Variants in CYFIP1 observed in about 807,000 individuals in gnomAD.
CYFIP1 encodes the protein cytoplasmic FMR1 interacting protein 1, also known as cytoplasmic FMR1-interacting protein 1.
A neutral mutation model predicts 163.5 loss-of-function variants in CYFIP1; 58 were observed. The observed-to-expected ratio is 0.35, with a 90% CI of 0.29 to 0.44. The LOEUF (loss-of-function observed/expected upper bound fraction) is 0.44, where lower values mean the gene tolerates loss of function less well. Among genes scored for constraint, CYFIP1 ranks in the 20% least tolerant of loss-of-function variants. CYFIP1 has a pLI of 1.00. For missense variants in CYFIP1, 1,338 were observed against 1,653.8 expected (o/e 0.81, Z 3.31); for synonymous variants, 663 against 660.7 (o/e 1.00, Z -0.05).
intron 6 of CYFIP1, 141 bp downstream of exon 6, chr15:22,943,032 C>A (rs535623519): frequency 4.0e-6 from 3 of 741,482 alleles, no homozygotes; most frequent in Non-Finnish European, 6.6e-6. Context: ...GGTGCTCACA[C>A]AGCCCTGACA....
At chr15:22,966,572 GCTGGTA>G (rs2062916601) in intron 1 of CYFIP1, among the ~76,000 whole-genome samples, 1 of 151,942 alleles carries the variant, frequency 6.6e-6, no homozygotes, top group South Asian at 2.1e-4. Context: ...CCACCCAGTC[GCTGGTA>G]CTGTGTTTTG....
chr15:22,952,438 G>A (rs1459086561), intron 1 of CYFIP1, among the ~76,000 whole-genome samples: 2 of 151,832 alleles, frequency 1.3e-5, no homozygotes, highest in Non-Finnish European at 2.9e-5. Context: ...GGCGAATCAC[G>A]AGGTCAGGAG....
At chr15:22,905,790 C>G (rs150989879) in intron 21 of CYFIP1, among the ~76,000 whole-genome samples, 1 of 150,136 alleles carries the variant, frequency 6.7e-6, no homozygotes, top group African/African-American at 2.4e-5. Context: ...GACGGAGTCT[C>G]GCTCTGTCAC....
chr15:22,959,090 AG>A (rs2062585477), intron 1 of CYFIP1, among the ~76,000 whole-genome samples: 1 of 152,140 alleles, frequency 6.6e-6, no homozygotes, highest in Admixed American at 6.5e-5. Context: ...CTGGGCTACC[AG>A]GCACACAGAT....
chr15:22,947,864 G>T, intron 1 of CYFIP1: 1 of 876,124 alleles, frequency 1.1e-6, no homozygotes, highest in Non-Finnish European at 1.4e-6. Flanking sequence ...CCACACCGCA[G>T]CTGGAGCAGA....
At chr15:22,978,352 C>CAAAAAAAAAAAAAA (rs397976366) in intron 1 of CYFIP1, among the ~76,000 whole-genome samples, 2 of 52,774 alleles carry the variant, frequency 3.8e-5, no homozygotes, top group African/African-American at 6.6e-5. Flanking sequence ...GACTCTGTCA[C>CAAAAAAAAAAAAAA]AAAAAAAAAA....
At chr15:22,901,493 C>A (rs529190249) in intron 22 of CYFIP1, among the ~76,000 whole-genome samples, 1 of 152,204 alleles carries the variant, frequency 6.6e-6, no homozygotes, top group Non-Finnish European at 1.5e-5. Context: ...AGGTGCGCCC[C>A]GCTGAGGACA....
chr15:22,976,565 C>T (rs74342712), intron 1 of CYFIP1, among the ~76,000 whole-genome samples: 27,364 of 151,932 alleles, frequency 0.18, 2,538 homozygotes, highest in Non-Finnish European at 0.2. Flanking sequence ...AGTCAACTGC[C>T]CTCCAAAAAT....
At chr15:22,875,744 T>C (rs2059563817) in intron 26 of CYFIP1, among the ~76,000 whole-genome samples, 1 of 151,028 alleles carries the variant, frequency 6.6e-6, no homozygotes, top group South Asian at 2.1e-4. Flanking sequence ...GGAGTAGGGG[T>C]GGCCTACCCT....
chr15:22,972,667 A>G (rs1162139505), intron 1 of CYFIP1, among the ~76,000 whole-genome samples: 2 of 152,186 alleles, frequency 1.3e-5, no homozygotes, highest in Non-Finnish European at 2.9e-5. Context: ...CAGAAAAATA[A>G]TATCAGACCT....
intron 1 of CYFIP1, among the ~76,000 whole-genome samples, 198 bp downstream of exon 1, chr15:22,980,089 C>G (rs1002712306): frequency 7.1e-6 from 1 of 140,690 alleles, no homozygotes; most frequent in East Asian, 2.3e-4. Flanking sequence ...GGCGCGGGAG[C>G]CCGGGGCCGG....
chr15:22,965,584 T>G (rs992839937), intron 1 of CYFIP1, among the ~76,000 whole-genome samples: 5 of 152,238 alleles, frequency 3.3e-5, no homozygotes, highest in Non-Finnish European at 5.9e-5. Flanking sequence ...GTAAGTGCCC[T>G]TTATGATGCC....
chr15:22,909,171 T>C (rs1308496112), intron 21 of CYFIP1, 23 bp downstream of exon 21: 4 of 1,613,072 alleles, frequency 2.5e-6, no homozygotes, highest in Non-Finnish European at 2.5e-6. Context: ...AATTTATCAA[T>C]AGGGCAAAGT....
chr15:22,950,511 G>A (rs1198301273), intron 1 of CYFIP1, among the ~76,000 whole-genome samples: 1 of 94,926 alleles, frequency 1.1e-5, no homozygotes, highest in Non-Finnish European at 2.4e-5. Flanking sequence ...AGAGCTGGAA[G>A]AAGAAATGCC....
chr15:22,901,903 T>C (rs1186216923), intron 22 of CYFIP1, among the ~76,000 whole-genome samples: 2 of 152,226 alleles, frequency 1.3e-5, no homozygotes, highest in Non-Finnish European at 2.9e-5. Flanking sequence ...ACACAATGGC[T>C]TCTACCAACA....
intron 6 of CYFIP1, among the ~76,000 whole-genome samples, chr15:22,942,583 C>T (rs963598668): frequency 6.6e-6 from 1 of 152,212 alleles, no homozygotes; most frequent in African/African-American, 2.4e-5. Context: ...GCCTCTTCCG[C>T]TCGTCTTGCC....
chr15:22,979,615 C>T (rs2063399516), intron 1 of CYFIP1, among the ~76,000 whole-genome samples: 1 of 152,188 alleles, frequency 6.6e-6, no homozygotes, highest in African/African-American at 2.4e-5. Context: ...ATTATTCTTG[C>T]ACCCTTCTTG....
At chr15:22,873,970 C>G (rs973249548) in intron 28 of CYFIP1, among the ~76,000 whole-genome samples, 1 of 152,208 alleles carries the variant, frequency 6.6e-6, no homozygotes, top group Non-Finnish European at 1.5e-5. Flanking sequence ...GTTGCCCAGG[C>G]TGGTCTCAAA....
Position 22,947,087 on chromosome 15 carries a change from A to G in CYFIP1, c.123T>C (p.Asn41=). The change falls in exon 3 of 31, where the codon AAT becomes AAC. Residue 41 remains asparagine, a synonymous_variant. Transcript: ENST00000617928. ...TTCTGTCTTCAAAGTTAGTGTTGAA[A>G]TTTGGCTGAAGGAAAGGAAGAGAAA... The part of the protein sequence containing the change: ...PPPSSLLYQP[N]FNTNFEDRNA... The G allele has an allele frequency of 6.2e-7, 1 of 1,614,150 alleles. No individual in the cohort carries two copies. The highest frequency in any genetic ancestry group is 1.6e-4 in the Middle Eastern group (1 of 6,062).
Sources: gnomAD v4.1 joint callset for allele counts (sites outside exome capture counted in the v4.1 genomes callset) on GRCh38, gnomAD v4.1.1 for gene constraint, MANE v1.5 for transcripts, NCBI Gene and HGNC (gene_info 2026-07-23, HGNC 2026-07-21) for gene names.